The following FBL variants were observed in gnomAD, a reference collection of about 807,000 sequenced individuals.
FBL encodes the protein rRNA 2'-O-methyltransferase fibrillarin.
In FBL, 10 loss-of-function variants were observed where a neutral mutation model predicts 42.2. That is an observed-to-expected ratio of 0.24 (90% CI 0.15 to 0.40). The LOEUF (loss-of-function observed/expected upper bound fraction) is 0.40, where lower values mean the gene tolerates loss of function less well. FBL is among the 10% of genes least tolerant of loss of function. The pLI is 1.00. For synonymous variants in FBL, 165 were observed against 165.4 expected, an observed-to-expected ratio of 1.00 and a Z score of 0.02; for missense variants, 351 against 439.2, an observed-to-expected ratio of 0.80 and a Z score of 1.79.
At chr19:39,841,395 A>C (rs1033455081) in intron 1 of FBL, among the ~76,000 whole-genome samples, 1 of 152,322 alleles carries the variant, frequency 6.6e-6, no homozygotes, top group South Asian at 2.1e-4. Flanking sequence ...GGGAATGAGA[A>C]ATGTAAAACT....
chr19:39,834,815 TA>T lies in FBL; in HGVS notation c.796-3del, dbSNP rs1969000003. On this transcript the variant is annotated splice_polypyrimidine_tract_variant and splice_region_variant and intron_variant, in intron 7 of 8. Coordinates refer to ENST00000221801, the MANE Select transcript of FBL (RefSeq NM_001436.4). ...GGCTGTGGAGTCAATGCAGTTGGCCTAAAGAGGAGAAAGGACTAATGTCTAC... is the reference window on the plus strand; with the variant it reads ...GGCTGTGGAGTCAATGCAGTTGGCCTAAGAGGAGAAAGGACTAATGTCTAC... 6.2e-7 allele frequency: 1 copy of T among 1,614,110 alleles called. No individual in the cohort carries two copies. Among genetic ancestry groups the T allele is most frequent in the South Asian group, 1.1e-5 (1 of 91,090 alleles).
intron 6 of FBL, among the ~76,000 whole-genome samples, chr19:39,837,449 G>A (rs1028211821): frequency 2.6e-5 from 4 of 152,144 alleles, no homozygotes; most frequent in African/African-American, 9.7e-5. Flanking sequence ...AAATACAAGA[G>A]GCAGGAAGTA....
At chr19:39,838,970 T>C in intron 5 of FBL, 65 bp downstream of exon 5, 2 of 1,447,146 alleles carry the variant, frequency 1.4e-6, no homozygotes. Context: ...CAAACCCTGA[T>C]ATTCCAGGTT....
chr19:39,843,781 T>TA (rs748812033), intron 1 of FBL, among the ~76,000 whole-genome samples: 6 of 151,596 alleles, frequency 4.0e-5, no homozygotes, highest in South Asian at 4.2e-4. Flanking sequence ...AAAATAAAAA[T>TA]AAAAAAAATG....
chr19:39,837,006 CAAGT>C (rs1465216159), intron 6 of FBL, among the ~76,000 whole-genome samples: 1 of 152,138 alleles, frequency 6.6e-6, no homozygotes, highest in Non-Finnish European at 1.5e-5. Context: ...ATCAAAAAGA[CAAGT>C]AAGAGTGAGT....
chr19:39,834,664 T>G lies in FBL; in HGVS notation c.941+4A>C, dbSNP rs1480310994. On this transcript the variant is annotated splice_donor_region_variant and intron_variant, in intron 8 of 8. Coordinates refer to ENST00000221801, the MANE Select transcript of FBL (RefSeq NM_001436.4). ...TCTTGGTGTATTGCTGGGCCCCTGC[T>G]CACCTGTACACTCCCACGACCACGG... 1.2e-6 allele frequency: 2 copies of G among 1,614,122 alleles called. No individual in the cohort carries two copies. The highest frequency in any genetic ancestry group is 3.3e-5 in the Admixed American group (2 of 60,012).
Position 39,840,939 on chromosome 19 carries a change from G to A in FBL, c.11-152C>T, listed in dbSNP as rs538435418. ...CAAGAATGTCCACAGCAAAAGAAAA[G>A]TGAAGACTAACCCAAATGTCCATCA... On this transcript the variant is annotated intron_variant, in intron 1 of 8. Transcript: ENST00000221801. The surrounding 1 kb of genome is among the most constrained non-coding windows in gnomAD (Gnocchi z 4.5). 1.3e-3 allele frequency: 872 copies of A among 677,090 alleles called. 5 individuals carry two copies. Among genetic ancestry groups the A allele is most frequent in the South Asian group, 9.2e-3 (280 of 30,428 alleles). The allele number at this position is 677,090 out of a possible 1,614,324, so 41.9% of individuals were successfully genotyped here.
rs1373555768 is a variant in FBL at position 39,840,869 on chromosome 19, G to T, written c.11-82C>A. ...TTGTACCCAGCAATACCTCTCAGGT[G>T]AGAAACCTGAAATACATGTGCCCGT... On this transcript the variant is annotated intron_variant, in intron 1 of 8. Coordinates refer to ENST00000221801, the MANE Select transcript of FBL (RefSeq NM_001436.4). The surrounding 1 kb of genome is among the most constrained non-coding windows in gnomAD (Gnocchi z 4.5). The T allele has an allele frequency of 7.7e-7, 1 of 1,302,746 alleles. No homozygotes were observed. The highest frequency in any genetic ancestry group is 2.9e-5 in the Admixed American group (1 of 34,278). The allele number at this position is 1,302,746 out of a possible 1,614,324, so 80.7% of individuals were successfully genotyped here.
At chr19:39,835,502 A>G (rs571323296) in intron 7 of FBL, among the ~76,000 whole-genome samples, 1 of 152,284 alleles carries the variant, frequency 6.6e-6, no homozygotes, top group Non-Finnish European at 1.5e-5. Context: ...CTGGTGACAG[A>G]GTAAGACTCC....
chr19:39,836,215 T>A (rs1438720414), intron 7 of FBL, among the ~76,000 whole-genome samples: 1 of 151,988 alleles, frequency 6.6e-6, no homozygotes, highest in Non-Finnish European at 1.5e-5. Context: ...TAGTATCTAT[T>A]CTATGCCAGG....
At chr19:39,843,081 T>C (rs1484673535) in intron 1 of FBL, among the ~76,000 whole-genome samples, 1 of 152,178 alleles carries the variant, frequency 6.6e-6, no homozygotes, top group African/African-American at 2.4e-5. Context: ...CCTGCTTTAT[T>C]TCCCTTCAAA....
In FBL at chr19:39,834,507, A is replaced by C. The variant is rs756130312; in HGVS notation, c.*31T>G. On this transcript the variant is annotated 3_prime_UTR_variant, in exon 9 of 9. Coordinates refer to ENST00000221801, the MANE Select transcript of FBL (RefSeq NM_001436.4). ...AACACACGTGCAACAGTATCAACAC[A>C]CATCTCTCGCAATCCTGACAGCGCT... The C allele has an allele frequency of 1.2e-5, 19 of 1,613,556 alleles. No homozygotes were observed. Among genetic ancestry groups the C allele is most frequent in the Non-Finnish European group, 1.6e-5 (19 of 1,179,502 alleles).
Position 39,846,339 on chromosome 19 carries a change from T to C in FBL, c.-39A>G, listed in dbSNP as rs1179477839. The C allele has an allele frequency of 1.2e-6, 2 of 1,611,754 alleles. No homozygotes were observed. Among genetic ancestry groups the C allele is most frequent in the Admixed American group, 1.7e-5 (1 of 59,930 alleles). On this transcript the variant is annotated 5_prime_UTR_variant, in exon 1 of 9. Coordinates refer to ENST00000221801, the MANE Select transcript of FBL (RefSeq NM_001436.4). ...TTGTGCGGCTCCGGAGTCCGCGGCG[T>C]TCACAACTCCACGAGTCCGGGGCTT...
chr19:39,843,700 G>A (rs576862452), intron 1 of FBL, among the ~76,000 whole-genome samples: 6 of 152,292 alleles, frequency 3.9e-5, no homozygotes, highest in South Asian at 2.1e-4. Context: ...GAACACAGGC[G>A]GAGGTTGCAG....
At chr19:39,841,576 G>A (rs1213677761) in intron 1 of FBL, among the ~76,000 whole-genome samples, 3 of 152,060 alleles carry the variant, frequency 2.0e-5, no homozygotes, top group Admixed American at 6.6e-5. Flanking sequence ...CCCTGCATAC[G>A]AGCACATGCT....
At chr19:39,841,470 T>C (rs1969163554) in intron 1 of FBL, among the ~76,000 whole-genome samples, 2 of 152,204 alleles carry the variant, frequency 1.3e-5, no homozygotes, top group South Asian at 4.1e-4. Context: ...AGTACATGAA[T>C]AGATGTAGGT....
intron 5 of FBL, 28 bp from the exon 6 acceptor site, chr19:39,837,871 G>A (rs990793763): frequency 1.9e-6 from 3 of 1,604,188 alleles, no homozygotes; most frequent in African/African-American, 1.3e-5. Flanking sequence ...TTAATGAACA[G>A]TGATGCTAGT....
rs1969261848 is a variant in FBL, at chr19:39,846,312, G to GT, written c.-13dup. The stretch of plus-strand genomic sequence containing the variant: ...TGACCTGGCTTCATGGCGAGCCCTG[G>GT]TTTGTGCGGCTCCGGAGTCCGCGGC... On this transcript the variant is annotated 5_prime_UTR_variant, in exon 1 of 9. Transcript: ENST00000221801. The GT allele has an allele frequency of 6.2e-7, 1 of 1,613,668 alleles. No individual in the cohort carries two copies. The highest frequency in any genetic ancestry group is 8.5e-7 in the Non-Finnish European group (1 of 1,179,844).
rs1968982345 is a variant in FBL at position 39,834,466 on chromosome 19, A to G, written c.*72T>C. 6.5e-7 allele frequency: 1 copy of G among 1,544,412 alleles called. No individual in the cohort carries two copies. The highest frequency in any genetic ancestry group is 1.4e-5 in the African/African-American group (1 of 73,524). Reference sequence around the variant, plus strand: ...GAGCAGCAGACATGGGAGACGGATGAGTCTTTTAATAGAAAAACACACGTG... The same window carrying G: ...GAGCAGCAGACATGGGAGACGGATGGGTCTTTTAATAGAAAAACACACGTG... On this transcript the variant is annotated 3_prime_UTR_variant, in exon 9 of 9. Transcript: ENST00000221801.
Sources: allele counts gnomAD v4.1 joint callset (sites outside exome capture counted in the v4.1 genomes callset), GRCh38; gene constraint gnomAD v4.1.1; non-coding constraint Gnocchi (gnomAD v3.1); transcripts MANE v1.5; gene names NCBI Gene and HGNC (gene_info 2026-07-23, HGNC 2026-07-21).